Variants in CDC123 observed in about 807,000 individuals in gnomAD.
CDC123 encodes the protein cell division cycle 123, also known as translation initiation factor eIF2 assembly protein.
Under a neutral mutation model 54.4 loss-of-function variants are expected in CDC123, and 37 were observed. That is an observed-to-expected ratio of 0.68 (90% CI 0.52 to 0.89). The LOEUF (loss-of-function observed/expected upper bound fraction) is 0.89. Ranked by LOEUF, CDC123 falls within the 40% of genes least tolerant of loss-of-function variation. The pLI is 0.00. For synonymous variants in CDC123, 144 were observed against 136.8 expected (o/e 1.05, Z -0.37); for missense variants, 361 against 412.1 (o/e 0.88, Z 1.07).
chr10:12,238,611 C>A, intron 10 of CDC123, 126 bp downstream of exon 10: 1 of 1,139,900 alleles, frequency 8.8e-7, no homozygotes, highest in South Asian at 1.5e-5. Context: ...TGCAGCAGCT[C>A]ATGCCTGTAT....
At chr10:12,236,415 G>A (rs1835976860) in intron 8 of CDC123, among the ~76,000 whole-genome samples, 6 of 151,934 alleles carry the variant, frequency 3.9e-5, no homozygotes, top group African/African-American at 1.5e-4. Context: ...CCTGCGCAAT[G>A]TACTGAGACC....
rs539187513 is a variant in CDC123, at chr10:12,201,401, C to T, written c.146+2625C>T. ...AAATTGCTGGGAGAGCTGAGGATCG[C>T]GAGGAGGGTCGGGGAATGCTCCGAA... On this transcript the variant is annotated intron_variant, in intron 2 of 12. Transcript: ENST00000281141. Among the ~76,000 whole-genome samples, 128 of 151,898 alleles carry T rather than the reference C, an allele frequency of 8.4e-4. 3 individuals are homozygous for T. The highest frequency in any genetic ancestry group is 2.9e-3 in the African/African-American group (119 of 41,312).
chr10:12,219,251 G>A (rs757033868), intron 6 of CDC123, among the ~76,000 whole-genome samples: 2 of 152,210 alleles, frequency 1.3e-5, no homozygotes, highest in African/African-American at 4.8e-5. Context: ...TAATCAGTGA[G>A]TGTGGTTGTG....
At chr10:12,249,828 A>G in intron 12 of CDC123, 110 bp downstream of exon 12, 1 of 1,367,682 alleles carries the variant, frequency 7.3e-7, no homozygotes. Flanking sequence ...TTTGATGGTT[A>G]TGAATGGAAC....
intron 2 of CDC123, among the ~76,000 whole-genome samples, chr10:12,209,208 A>G (rs755705613): frequency 6.6e-6 from 1 of 152,092 alleles, no homozygotes; most frequent in East Asian, 1.9e-4. Flanking sequence ...TTATTCTGTC[A>G]TCTCTTCATG....
intron 6 of CDC123, among the ~76,000 whole-genome samples, chr10:12,218,781 T>C (rs953143676): frequency 6.6e-6 from 1 of 152,192 alleles, no homozygotes; most frequent in Non-Finnish European, 1.5e-5. Flanking sequence ...ATTTCTTTCC[T>C]TTTGCCAGTC....
intron 11 of CDC123, among the ~76,000 whole-genome samples, chr10:12,249,344 G>T (rs1445909234): frequency 6.6e-6 from 1 of 152,114 alleles, no homozygotes; most frequent in East Asian, 1.9e-4. Flanking sequence ...AGGCTGAAGT[G>T]CGAGGTTCAC....
intron 7 of CDC123, among the ~76,000 whole-genome samples, chr10:12,231,477 T>C (rs1835901494): frequency 6.6e-6 from 1 of 151,866 alleles, no homozygotes; most frequent in South Asian, 2.1e-4. Context: ...ATACAAAAAT[T>C]AGCTGGGTGT....
Position 12,196,339 on chromosome 10 carries a change from G to T in CDC123, c.74+20G>T, listed in dbSNP as rs370213215. The T allele has an allele frequency of 6.2e-7, 1 of 1,613,650 alleles. No homozygotes were observed. Among genetic ancestry groups the T allele is most frequent in the South Asian group, 1.1e-5 (1 of 91,078 alleles). ...CAAGAGGTGAGATGGGAGGGGGTTC[G>T]CCCGGTCGACCGGCAAAAGGGAACT... On this transcript the variant is annotated intron_variant, in intron 1 of 12. Transcript: ENST00000281141.
intron 6 of CDC123, among the ~76,000 whole-genome samples, chr10:12,228,902 A>G (rs891108791): frequency 2.0e-5 from 3 of 151,934 alleles, no homozygotes; most frequent in Admixed American, 6.6e-5. Flanking sequence ...TTTTGTAGAG[A>G]CAGGGTTTTG....
At chr10:12,210,816 T>C (rs1368408334) in intron 4 of CDC123, among the ~76,000 whole-genome samples, 2 of 152,166 alleles carry the variant, frequency 1.3e-5, no homozygotes, top group Non-Finnish European at 1.5e-5. Context: ...TTCTCCTGCC[T>C]CAGCCTCCTG....
intron 10 of CDC123, among the ~76,000 whole-genome samples, chr10:12,244,018 T>C (rs548129149): frequency 5.1e-4 from 77 of 152,268 alleles, no homozygotes; most frequent in African/African-American, 1.8e-3. Context: ...GCAGGGCCTC[T>C]CCTGGGGCTT....
chr10:12,248,172 G>C (rs909969220), intron 11 of CDC123, among the ~76,000 whole-genome samples: 2 of 152,154 alleles, frequency 1.3e-5, no homozygotes, highest in Admixed American at 6.5e-5. Flanking sequence ...CATGTCCTGA[G>C]ATTTTCACAG....
At chr10:12,204,866 G>A (rs947022273) in intron 2 of CDC123, among the ~76,000 whole-genome samples, 29 of 151,872 alleles carry the variant, frequency 1.9e-4, no homozygotes, top group African/African-American at 5.6e-4. Flanking sequence ...GGTGGCAGGC[G>A]CCTGTAATCT....
rs186059423 is a variant in CDC123, at chr10:12,207,642, G to T, written c.147-2325G>T. Reference sequence around the variant, plus strand: ...ATTGATGGAAGATTCCCAGATAATGGTGTGTCCTCTGGGGTTGCTCAGTTT... The same window carrying T: ...ATTGATGGAAGATTCCCAGATAATGTTGTGTCCTCTGGGGTTGCTCAGTTT... On this transcript the variant is annotated intron_variant, in intron 2 of 12. Coordinates refer to ENST00000281141, the MANE Select transcript of CDC123 (RefSeq NM_006023.3). 1.6e-4 allele frequency among the ~76,000 whole-genome samples: 25 copies of T among 152,276 alleles called. 1 individual carries two copies. In the East Asian group the frequency reaches 4.4e-3, roughly 27 times the overall value.
intron 5 of CDC123, among the ~76,000 whole-genome samples, chr10:12,216,951 C>T (rs1465352669): frequency 6.6e-6 from 1 of 152,196 alleles, no homozygotes; most frequent in Non-Finnish European, 1.5e-5. Flanking sequence ...AAGTGTTTGG[C>T]TGCCACTCCC....
chr10:12,196,415 G>GC, intron 1 of CDC123, 96 bp downstream of exon 1: 1 of 1,480,558 alleles, frequency 6.8e-7, no homozygotes, highest in Non-Finnish European at 9.4e-7. Flanking sequence ...AGGCCTTCTA[G>GC]CGACTGCATG....
At chr10:12,209,545 A>G (rs1392722953) in intron 2 of CDC123, among the ~76,000 whole-genome samples, 2 of 151,468 alleles carry the variant, frequency 1.3e-5, no homozygotes, top group East Asian at 2.0e-4. Flanking sequence ...TTGTTCTTCA[A>G]TTTTAAGGCT....
chr10:12,230,034 G>C (rs762340777), intron 6 of CDC123, among the ~76,000 whole-genome samples: 1 of 152,056 alleles, frequency 6.6e-6, no homozygotes, highest in Non-Finnish European at 1.5e-5. Flanking sequence ...CACTAAATTT[G>C]GTCTTTTCTG....
Sources: allele counts gnomAD v4.1 joint callset (sites outside exome capture counted in the v4.1 genomes callset), GRCh38; gene constraint gnomAD v4.1.1; transcripts MANE v1.5; gene names NCBI Gene and HGNC (gene_info 2026-07-23, HGNC 2026-07-21).